The following LTBP1 variants were observed in gnomAD, a reference collection of about 807,000 sequenced individuals.
LTBP1 encodes latent-transforming growth factor beta-binding protein 1.
Under a neutral mutation model 207.6 loss-of-function variants are expected in LTBP1, and 129 were observed. That is an observed-to-expected ratio of 0.62 (90% CI 0.54 to 0.72). LTBP1 has a LOEUF of 0.72. Ranked by LOEUF, LTBP1 falls within the 30% of genes least tolerant of loss-of-function variation. LTBP1 has a pLI of 0.00. For synonymous variants in LTBP1, 963 were observed against 833.7 expected (o/e 1.16, Z -2.67); for missense variants, 2,281 against 2,217.2 (o/e 1.03, Z -0.58).
intron 8 of LTBP1, among the ~76,000 whole-genome samples, chr2:33,220,377 T>G (rs2091021795): frequency 1.3e-5 from 2 of 152,218 alleles, no homozygotes; most frequent in South Asian, 4.1e-4. Context: ...AGTTTTCAAG[T>G]GGCTTTTATT....
intron 5 of LTBP1, among the ~76,000 whole-genome samples, chr2:33,151,933 A>G (rs527640963): frequency 5.2e-4 from 78 of 150,052 alleles, no homozygotes; most frequent in South Asian, 1.3e-3. Context: ...TGGTTCCACA[A>G]TTTTGCAGTT....
chr2:33,355,709 C>G (rs944897282), intron 26 of LTBP1, among the ~76,000 whole-genome samples: 2 of 152,030 alleles, frequency 1.3e-5, no homozygotes, highest in African/African-American at 2.4e-5. Flanking sequence ...TCTCCTCACC[C>G]TCTCACTGTC....
chr2:33,210,525 A>G (rs769612169), intron 7 of LTBP1, among the ~76,000 whole-genome samples: 6 of 152,156 alleles, frequency 3.9e-5, no homozygotes, highest in Non-Finnish European at 7.4e-5. Context: ...TGTTTCAAAG[A>G]TGCTAATTAT....
intron 7 of LTBP1, among the ~76,000 whole-genome samples, chr2:33,198,839 C>T (rs1357028941): frequency 6.6e-6 from 1 of 152,094 alleles, no homozygotes; most frequent in Admixed American, 6.5e-5. Flanking sequence ...TTGATCCTTT[C>T]AAAAAACCAG....
chr2:33,379,008 A>C (rs1276681926), intron 31 of LTBP1, among the ~76,000 whole-genome samples: 3 of 152,124 alleles, frequency 2.0e-5, no homozygotes, highest in Non-Finnish European at 4.4e-5. Context: ...ACCTTAAGAA[A>C]GAAGCAGATT....
At chr2:33,097,005 G>C (rs1307040483) in intron 3 of LTBP1, among the ~76,000 whole-genome samples, 1 of 152,180 alleles carries the variant, frequency 6.6e-6, no homozygotes, top group Non-Finnish European at 1.5e-5. Context: ...GGGGATGGAA[G>C]GGAGAGGAAG....
rs764594697 is a variant in LTBP1 at position 33,342,942 on chromosome 2, C to A, written c.3835C>A (p.Gln1279Lys). Residue 1279 changes from glutamine to lysine, a missense_variant, in exon 25 of 34, where the codon CAG (glutamine) becomes AAG (lysine). Physicochemically the swap from Gln to Lys is moderately conservative, Grantham distance 53. Around this residue, in one of 3 missense-constraint regions of LTBP1, gnomAD observed 1,671 missense variants for 1,634.8 expected, o/e 1.02. Coordinates refer to ENST00000404816, the MANE Select transcript of LTBP1 (RefSeq NM_206943.4). ...CTGTTATCAGGGCTTTCAAGCCCCA[C>A]AGGATGGGCAAGGGTGTGTGGGTGA... ...CLCYQGFQAP[Q>K]DGQGCVDVNE... The A allele has an allele frequency of 1.9e-5, 31 of 1,613,740 alleles. No individual in the cohort carries two copies. Among genetic ancestry groups the A allele is most frequent in the Non-Finnish European group, 2.5e-5 (30 of 1,179,822 alleles).
intron 7 of LTBP1, 24 bp from the exon 8 acceptor site, chr2:33,217,528 A>G (rs72858024): frequency 1.9e-6 from 3 of 1,571,286 alleles, no homozygotes; most frequent in East Asian, 2.2e-5. Flanking sequence ...ATTAACCTTC[A>G]TATTTCACAC....
chr2:33,259,707 A>G (rs1260354869), intron 13 of LTBP1, 97 bp downstream of exon 13: 2 of 1,108,336 alleles, frequency 1.8e-6, no homozygotes, highest in Admixed American at 2.2e-5. Context: ...ATATAGTAAC[A>G]TCTCTATTAT....
chr2:33,000,107 C>G (rs1388057549), intron 2 of LTBP1, among the ~76,000 whole-genome samples: 1 of 134,582 alleles, frequency 7.4e-6, no homozygotes, highest in Admixed American at 7.6e-5. Flanking sequence ...AGTCTAGGGT[C>G]CTGCTCTGAG....
intron 4 of LTBP1, among the ~76,000 whole-genome samples, chr2:33,112,290 T>C (rs1426704331): frequency 2.0e-5 from 3 of 152,222 alleles, no homozygotes; most frequent in Admixed American, 2.0e-4. Flanking sequence ...GTGTGTGTAT[T>C]TCCACCCTCG....
chr2:33,363,131 A>G (rs1212358979), intron 28 of LTBP1, among the ~76,000 whole-genome samples: 2 of 152,232 alleles, frequency 1.3e-5, no homozygotes, highest in Non-Finnish European at 2.9e-5. Context: ...GCATCTCAGA[A>G]ACCATATTTA....
intron 3 of LTBP1, among the ~76,000 whole-genome samples, chr2:33,022,364 T>A (rs2075219153): frequency 6.6e-6 from 1 of 151,908 alleles, no homozygotes; most frequent in Non-Finnish European, 1.5e-5. Context: ...AGGGACTAGT[T>A]TGAAATGCTA....
In LTBP1 at chr2:33,341,729, A is replaced by AATATATATATAT. The variant is rs56171359; in HGVS notation, c.3731-1104_3731-1093dup. Among the ~76,000 whole-genome samples the AATATATATATAT allele has an allele frequency of 5.5e-3, 511 of 93,552 alleles. 3 individuals carry two copies. The highest frequency in any genetic ancestry group is 0.029 in the Middle Eastern group (5 of 172). The allele number at this position is 93,552 out of a possible 152,430, so 61.4% of individuals were successfully genotyped here. A position where few individuals can be genotyped will look rare whatever the true frequency, so the allele number is the denominator to read the frequency against. On this transcript the variant is annotated intron_variant, in intron 24 of 33. Coordinates refer to ENST00000404816, the MANE Select transcript of LTBP1 (RefSeq NM_206943.4). Reference sequence around the variant, plus strand: ...CCGTCTCACTCAAAAAAAAAAAAAAAATATATATATATATATGTATATTTA... The same window carrying AATATATATATAT: ...CCGTCTCACTCAAAAAAAAAAAAAAAATATATATATATATATATATATATATATGTATATTTA...
At chr2:32,966,960 C>G (rs964459245) in intron 2 of LTBP1, among the ~76,000 whole-genome samples, 1 of 151,930 alleles carries the variant, frequency 6.6e-6, no homozygotes, top group Non-Finnish European at 1.5e-5. Flanking sequence ...ATACTTTCTC[C>G]CTGAAATGTT....
At chr2:33,031,214 A>C (rs1362376564) in intron 3 of LTBP1, among the ~76,000 whole-genome samples, 1 of 152,304 alleles carries the variant, frequency 6.6e-6, no homozygotes, top group South Asian at 2.1e-4. Flanking sequence ...TTATTTCAGA[A>C]TTCTTTGGTC....
chr2:33,378,372 C>T (rs2095170868), intron 31 of LTBP1, among the ~76,000 whole-genome samples: 1 of 151,844 alleles, frequency 6.6e-6, no homozygotes, highest in African/African-American at 2.4e-5. Context: ...ACTACAGGCT[C>T]ACACCACCAC....
At chr2:33,087,084 C>CTTTTTTTTTTTTTCTTT (rs2078805271) in intron 3 of LTBP1, among the ~76,000 whole-genome samples, 1 of 89,026 alleles carries the variant, frequency 1.1e-5, no homozygotes, top group Non-Finnish European at 2.1e-5. Flanking sequence ...CTCCTTTATG[C>CTTTTTTTTTTTTTCTTT]TTTTTTTTTT....
Position 33,385,691 on chromosome 2 carries a change from A to G in LTBP1, c.4712-3493A>G, listed in dbSNP as rs192102920. ...CACCTCTGAAGCCCATGTTCTTCCC[A>G]TTACCCCACGATCCTGGCCAAGAAT... is the stretch of plus-strand genomic sequence containing the variant. On this transcript the variant is annotated intron_variant, in intron 31 of 33. Coordinates refer to ENST00000404816, the MANE Select transcript of LTBP1 (RefSeq NM_206943.4). Among the ~76,000 whole-genome samples, 58 of 152,280 alleles carry G rather than the reference A, an allele frequency of 3.8e-4. No homozygotes were observed. In the East Asian group the frequency reaches 7.3e-3, roughly 19 times the overall value.
Sources: allele counts gnomAD v4.1 joint callset (sites outside exome capture counted in the v4.1 genomes callset), GRCh38; gene constraint gnomAD v4.1.1; regional missense constraint gnomAD v4.1.1; transcripts MANE v1.5; gene names NCBI Gene and HGNC (gene_info 2026-07-23, HGNC 2026-07-21).